CEP41: variants seen among roughly 807,000 people sequenced by gnomAD.
CEP41 encodes the protein centrosomal protein 41.
A neutral mutation model predicts 44.3 loss-of-function variants in CEP41; 32 were observed. The ratio of observed to expected loss-of-function variants is 0.72; its 90% CI spans 0.54 to 0.97. The LOEUF is 0.97. CEP41 is among the 50% of genes least tolerant of loss of function. CEP41 has a pLI of 0.00. For missense variants in CEP41, 432 were observed against 455.2 expected (o/e 0.95, Z 0.46); for synonymous variants, 151 against 168.5 (o/e 0.90, Z 0.80).
At chr7:130,404,035 G>A (rs782332092) in intron 6 of CEP41, among the ~76,000 whole-genome samples, 4 of 152,188 alleles carry the variant, frequency 2.6e-5, no homozygotes, top group Non-Finnish European at 5.9e-5. Context: ...TAAAGTCCAT[G>A]TAATCCTTGG....
rs199558575 is a variant in CEP41, at chr7:130,400,244, G to A, written c.768C>T (p.Val256=). The change falls in exon 10 of 11, where the codon GTC becomes GTT. Residue 256 remains valine (V), a synonymous_variant. Coordinates refer to ENST00000223208, the MANE Select transcript of CEP41 (RefSeq NM_018718.3). ...NLFMLSGGLK[V]LAQKFPEGLI... ...GTCCTTCCGGGAATTTCTGAGCTAA[G>A]ACTTTTAGACCTAGGTTTGGAAAAT... 1.2e-6 allele frequency: 2 copies of A among 1,612,926 alleles called. No individual in the cohort carries two copies. The highest frequency in any genetic ancestry group is 1.3e-5 in the African/African-American group (1 of 75,028).
intron 1 of CEP41, among the ~76,000 whole-genome samples, chr7:130,438,324 A>G (rs1798036735): frequency 6.6e-6 from 1 of 152,140 alleles, no homozygotes; most frequent in African/African-American, 2.4e-5. Flanking sequence ...TTGGGAGGCC[A>G]AGGCAGGCGG....
Position 130,398,891 on chromosome 7 carries a change from T to C in CEP41, c.1122A>G (p.Ter374=). 5 of 1,614,134 alleles carry C rather than the reference T, an allele frequency of 3.1e-6. No individual in the cohort carries two copies. The highest frequency in any genetic ancestry group is 4.2e-6 in the Non-Finnish European group (5 of 1,179,954). The change falls in exon 11 of 11, where the codon TAA becomes TAG. Residue 374 remains the stop codon, a stop_retained_variant. Coordinates refer to ENST00000223208, the MANE Select transcript of CEP41 (RefSeq NM_018718.3). The stretch of plus-strand genomic sequence containing the variant: ...TATTTGCCTAAGTGAGACAAAGTCT[T>C]TACTTCCAGGGTTTGCCTTGCAGGT... ...SGHLQGKPWK[*] is the part of the protein sequence containing the mutation.
In CEP41 at chr7:130,398,854, A is replaced by C. The variant is rs781843827; in HGVS notation, c.*37T>G. ...GGAAATGCTCAGGGGTTCTGAAAAG[A>C]GGAAGAACATTTATTTGCCTAAGTG... On this transcript the variant is annotated 3_prime_UTR_variant, in exon 11 of 11. Transcript: ENST00000223208. 6.2e-7 allele frequency: 1 copy of C among 1,612,486 alleles called. No homozygotes were observed.
intron 1 of CEP41, among the ~76,000 whole-genome samples, chr7:130,428,966 A>G (rs1261010479): frequency 1.3e-5 from 2 of 152,168 alleles, no homozygotes; most frequent in Non-Finnish European, 2.9e-5. Flanking sequence ...CATTGAGCCC[A>G]AATCAGTCTT....
intron 5 of CEP41, among the ~76,000 whole-genome samples, chr7:130,406,490 A>T (rs1218088990): frequency 6.6e-6 from 1 of 152,140 alleles, no homozygotes; most frequent in Non-Finnish European, 1.5e-5. Flanking sequence ...AGGCTGAGGC[A>T]GGAGAATCAC....
chr7:130,396,802 G>A lies in CEP41; in HGVS notation c.*2089C>T. 1 of 453,974 alleles carries A rather than the reference G, an allele frequency of 2.2e-6. No individual in the cohort carries two copies. The highest frequency in any genetic ancestry group is 1.6e-5 in the South Asian group (1 of 64,440). 28.1% of individuals were successfully genotyped at this position (453,974 alleles called of 1,614,324 possible). On this transcript the variant is annotated 3_prime_UTR_variant, in exon 11 of 11. Coordinates refer to ENST00000223208, the MANE Select transcript of CEP41 (RefSeq NM_018718.3). ...AAATACACATAAATATATCCAACCT[G>A]CCAGATCTCTCAGGTGAGTGCACAC...
intron 1 of CEP41, among the ~76,000 whole-genome samples, chr7:130,438,987 TTACTC>T (rs1563001136): frequency 6.6e-6 from 1 of 152,164 alleles, no homozygotes; most frequent in Admixed American, 6.5e-5. Context: ...AATATACAAT[TTACTC>T]TATTTTGAAA....
Position 130,397,032 on chromosome 7 carries a change from C to A in CEP41, c.*1859G>T, listed in dbSNP as rs73152869. 80,037 of 454,300 alleles carry A rather than the reference C, an allele frequency of 0.18. 7,641 individuals are homozygous for A. Among genetic ancestry groups the A allele is most frequent in the Middle Eastern group, 0.23 (336 of 1,444 alleles). 28.1% of individuals were successfully genotyped at this position (454,300 alleles called of 1,614,324 possible). On this transcript the variant is annotated 3_prime_UTR_variant, in exon 11 of 11. Transcript: ENST00000223208. ...CCAGAACTTTCTTACAGAGAAAAAT[C>A]TTTTTTCCTTAAAAATGTATATGTG...
At chr7:130,427,830 G>C (rs1340077934) in intron 2 of CEP41, 125 bp downstream of exon 2, 1 of 673,584 alleles carries the variant, frequency 1.5e-6, no homozygotes, top group Admixed American at 2.4e-5. Context: ...CCTGAGCCGA[G>C]AAAGACATCA....
intron 2 of CEP41, among the ~76,000 whole-genome samples, chr7:130,427,225 G>A (rs782493678): frequency 1.3e-5 from 2 of 152,064 alleles, no homozygotes; most frequent in Admixed American, 6.5e-5. Context: ...ATCCACTAGC[G>A]AAACCATTTT....
intron 3 of CEP41, among the ~76,000 whole-genome samples, chr7:130,412,975 GTTC>G (rs1322912815): frequency 6.6e-6 from 1 of 152,172 alleles, no homozygotes; most frequent in Non-Finnish European, 1.5e-5. Flanking sequence ...GGTGTTATGT[GTTC>G]TTGTTTTTGT....
At chr7:130,421,412 T>C (rs1584893687) in intron 2 of CEP41, 1 of 985,458 alleles carries the variant, frequency 1.0e-6, no homozygotes, top group South Asian at 4.7e-5. Context: ...GGCACAGTGG[T>C]CCTTTGTTAA....
rs376245470 is a variant in CEP41, at chr7:130,401,980, G to A, written c.575-32C>T. 937 of 1,488,578 alleles carry A rather than the reference G, an allele frequency of 6.3e-4. 1 individual carries two copies. The highest frequency in any genetic ancestry group is 7.9e-4 in the Non-Finnish European group (842 of 1,066,078). The allele number at this position is 1,488,578 out of a possible 1,614,324, so 92.2% of individuals were successfully genotyped here. On this transcript the variant is annotated intron_variant, in intron 7 of 10. Coordinates refer to ENST00000223208, the MANE Select transcript of CEP41 (RefSeq NM_018718.3). ...AGAGAAGAAAAAGTTTAGGAAGTCT[G>A]TTGTTCTCTTAATACAACTTGGCCT...
intron 2 of CEP41, among the ~76,000 whole-genome samples, chr7:130,426,438 GAAAGA>G (rs148807119): frequency 0.19 from 26,782 of 139,978 alleles, 2,314 homozygotes; most frequent in South Asian, 0.21. Context: ...TTTCCAGGAG[GAAAGA>G]AAAAAAAAAA....
intron 2 of CEP41, 143 bp downstream of exon 2, chr7:130,427,812 G>T: frequency 1.6e-6 from 1 of 617,088 alleles, no homozygotes. Flanking sequence ...CATCTTTCAA[G>T]GATAAATCCT....
intron 2 of CEP41, 193 bp from the exon 3 acceptor site, chr7:130,417,159 A>G (rs781857225): frequency 2.1e-6 from 3 of 1,397,620 alleles, no homozygotes; most frequent in Non-Finnish European, 2.8e-6. Flanking sequence ...TGCAGAGCCG[A>G]GGGAAATGTT....
chr7:130,432,418 T>C (rs1797848308), intron 1 of CEP41, among the ~76,000 whole-genome samples: 1 of 151,554 alleles, frequency 6.6e-6, no homozygotes, highest in Non-Finnish European at 1.5e-5. Context: ...ATATGGTCAG[T>C]TGGAGTGTGC....
chr7:130,398,917 G>A lies in CEP41; in HGVS notation c.1096C>T (p.His366Tyr), dbSNP rs782713689. 33 of 1,614,130 alleles carry A rather than the reference G, an allele frequency of 2.0e-5. No individual in the cohort carries two copies. The highest frequency in any genetic ancestry group is 2.7e-5 in the Non-Finnish European group (32 of 1,180,046). Residue 366 changes from histidine (H) to tyrosine (Y), a missense_variant, in exon 11 of 11, where the codon CAC becomes TAC. By Grantham distance (83) the His-to-Tyr change is moderately conservative. Coordinates refer to ENST00000223208, the MANE Select transcript of CEP41 (RefSeq NM_018718.3). ...HSNPRSLSSG[H>Y]LQGKPWK ...TACTTCCAGGGTTTGCCTTGCAGGTGACCACTGCTGAGGGAGCGGGGGTTT... is the reference window on the plus strand; with the variant it reads ...TACTTCCAGGGTTTGCCTTGCAGGTAACCACTGCTGAGGGAGCGGGGGTTT...
Sources: gnomAD v4.1 joint callset for allele counts (sites outside exome capture counted in the v4.1 genomes callset) on GRCh38, gnomAD v4.1.1 for gene constraint, MANE v1.5 for transcripts, NCBI Gene and HGNC (gene_info 2026-07-23, HGNC 2026-07-21) for gene names.